Variants in RTCB observed in about 807,000 individuals in gnomAD.
The protein encoded by RTCB is RNA 2',3'-cyclic phosphate and 5'-OH ligase.
A neutral mutation model predicts 58.2 loss-of-function variants in RTCB; 32 were observed. That is an observed-to-expected ratio of 0.55 (90% CI 0.41 to 0.74). The LOEUF is 0.74. RTCB is among the 30% of genes least tolerant of loss of function. The pLI is 0.00. For missense variants in RTCB, 523 were observed against 639.0 expected (o/e 0.82, Z 1.96); for synonymous variants, 247 against 218.6 (o/e 1.13, Z -1.15).
intron 4 of RTCB, among the ~76,000 whole-genome samples, chr22:32,404,852 T>C (rs1297069039): frequency 2.1e-4 from 32 of 149,806 alleles, no homozygotes; most frequent in Non-Finnish European, 4.1e-4. Context: ...GCTAATTTTT[T>C]GTATTTTTTT....
At chr22:32,394,085 C>T in intron 9 of RTCB, 83 bp from the exon 10 acceptor site, 1 of 926,816 alleles carries the variant, frequency 1.1e-6, no homozygotes, top group Non-Finnish European at 1.7e-6. Context: ...TTCTCTTGCA[C>T]TGTAGGATTG....
At chr22:32,403,413 A>C (rs918586980) in intron 4 of RTCB, among the ~76,000 whole-genome samples, 4 of 152,204 alleles carry the variant, frequency 2.6e-5, no homozygotes, top group African/African-American at 9.7e-5. Context: ...TCTCAAAAAA[A>C]AAAGAAAAAA....
At chr22:32,394,956 T>C (rs1405502150) in intron 9 of RTCB, 70 bp downstream of exon 9, 6 of 1,349,314 alleles carry the variant, frequency 4.4e-6, no homozygotes. Flanking sequence ...TCGTTTTAAA[T>C]GTAATTCACA....
At chr22:32,398,474 G>C (rs1933282164) in intron 6 of RTCB, among the ~76,000 whole-genome samples, 1 of 152,104 alleles carries the variant, frequency 6.6e-6, no homozygotes, top group Non-Finnish European at 1.5e-5. Context: ...GGAAAGGGGA[G>C]GGAGAGCATT....
chr22:32,397,328 G>A (rs1484529877), intron 7 of RTCB, among the ~76,000 whole-genome samples: 1 of 152,176 alleles, frequency 6.6e-6, no homozygotes, highest in Non-Finnish European at 1.5e-5. Context: ...CAGTCTTTGT[G>A]TGTAATTGTC....
chr22:32,397,883 T>TA, intron 7 of RTCB, 58 bp downstream of exon 7: 1 of 1,534,300 alleles, frequency 6.5e-7, no homozygotes, highest in Non-Finnish European at 8.8e-7. Flanking sequence ...TTTTCGCTCT[T>TA]AAATTTCTAT....
In RTCB at chr22:32,412,099, A is replaced by T; in HGVS notation, c.58T>A (p.Trp20Arg). The T allele has an allele frequency of 6.2e-7, 1 of 1,609,772 alleles. No homozygotes were observed. Among genetic ancestry groups the T allele is most frequent in the African/African-American group, 1.3e-5 (1 of 74,906 alleles). Residue 20 changes from tryptophan to arginine, a missense_variant, in exon 1 of 12, where the codon TGG (tryptophan) becomes AGG (arginine). By Grantham distance (101) the Trp-to-Arg change is moderately radical. Transcript: ENST00000216038. ...QFLEKINKNC[W>R]RIKKGFVPNM... ...GGCACGAAGCCCTTCTTGATCCTCC[A>T]GCAGTTTTTATTGATCTTCTCCAAG...
chr22:32,391,574 T>C (rs1933155270), intron 11 of RTCB, among the ~76,000 whole-genome samples: 1 of 151,982 alleles, frequency 6.6e-6, no homozygotes, highest in Admixed American at 6.6e-5. Flanking sequence ...TTTTGTATTT[T>C]TAGTAGGGGT....
chr22:32,388,189 C>A, intron 11 of RTCB, 90 bp from the exon 12 acceptor site: 1 of 755,930 alleles, frequency 1.3e-6, no homozygotes. Context: ...AATAAATGCA[C>A]ACTAAAATAA....
intron 4 of RTCB, among the ~76,000 whole-genome samples, chr22:32,403,544 A>T (rs1469171180): frequency 1.3e-5 from 2 of 152,182 alleles, no homozygotes; most frequent in Non-Finnish European, 2.9e-5. Context: ...TTCTGGTGAG[A>T]ACATTTAAGA....
At chr22:32,408,922 T>C in intron 1 of RTCB, 89 bp from the exon 2 acceptor site, 2 of 904,042 alleles carry the variant, frequency 2.2e-6, no homozygotes, top group Non-Finnish European at 3.7e-6. Context: ...CAATATTTAC[T>C]GTGCTTTACT....
intron 6 of RTCB, 145 bp from the exon 7 acceptor site, chr22:32,398,245 G>T (rs946179060): frequency 9.1e-6 from 8 of 876,558 alleles, no homozygotes; most frequent in Non-Finnish European, 1.4e-5. Context: ...CTAAGCTATA[G>T]AAGTGTTTCA....
At chr22:32,400,013 CTTG>C (rs1388302939) in intron 5 of RTCB, 1 of 321,668 alleles carries the variant, frequency 3.1e-6, no homozygotes, top group East Asian at 5.1e-5. Context: ...TATACTGCTC[CTTG>C]TTAATTTTCA....
At chr22:32,411,975 T>C in intron 1 of RTCB, 89 bp downstream of exon 1, 1 of 912,908 alleles carries the variant, frequency 1.1e-6, no homozygotes, top group Non-Finnish European at 1.7e-6. Flanking sequence ...GCGGACCCAG[T>C]GGTCAGGGGA....
intron 10 of RTCB, among the ~76,000 whole-genome samples, chr22:32,393,314 G>A (rs1337704598): frequency 1.3e-5 from 2 of 152,180 alleles, no homozygotes; most frequent in East Asian, 3.8e-4. Flanking sequence ...TGGCATAGCT[G>A]AATAGCTGGT....
chr22:32,399,382 G>A (rs974464770), intron 6 of RTCB, among the ~76,000 whole-genome samples: 5 of 151,438 alleles, frequency 3.3e-5, no homozygotes, highest in East Asian at 1.9e-4. Context: ...GGCCTCAAGC[G>A]AACCTTCCTC....
rs184049911 is a variant in RTCB, at chr22:32,411,880, G to A, written c.93+184C>T. Among the ~76,000 whole-genome samples, 626 of 152,280 alleles carry A rather than the reference G, an allele frequency of 4.1e-3. 2 individuals are homozygous for A. Among genetic ancestry groups the A allele is most frequent in the African/African-American group, 0.014 (599 of 41,562 alleles). ...TCGTGGTTCGGGGACCTCTCCTGGC[G>A]GGAGGTGGTGCCGGAACAGGTTGGG... On this transcript the variant is annotated intron_variant, in intron 1 of 11. Coordinates refer to ENST00000216038, the MANE Select transcript of RTCB (RefSeq NM_014306.5).
chr22:32,395,064 A>C lies in RTCB; in HGVS notation c.1141T>G (p.Phe381Val), dbSNP rs1933222277. The change falls in exon 9 of 12, where the codon TTC (phenylalanine) becomes GTC (valine). Residue 381 changes from phenylalanine to valine, a missense_variant. Physicochemically the swap from Phe to Val is conservative, Grantham distance 50. Coordinates refer to ENST00000216038, the MANE Select transcript of RTCB (RefSeq NM_014306.5). ...GCAATGAGGGGATGGTGAGGAGGGA[A>C]AGCGCGGGTGGATCCCTTCCTGTGT... ...LVHRKGSTRA[F>V]PPHHPLIAVD... 5 of 1,614,008 alleles carry C rather than the reference A, an allele frequency of 3.1e-6. No individual in the cohort carries two copies. The highest frequency in any genetic ancestry group is 3.3e-5 in the Admixed American group (2 of 59,998).
chr22:32,388,936 G>T (rs1601422525), intron 11 of RTCB, among the ~76,000 whole-genome samples: 1 of 152,014 alleles, frequency 6.6e-6, no homozygotes, highest in Non-Finnish European at 1.5e-5. Flanking sequence ...CTGAAACACG[G>T]ATCTTTCCCG....
Sources: allele counts gnomAD v4.1 joint callset (sites outside exome capture counted in the v4.1 genomes callset), GRCh38; gene constraint gnomAD v4.1.1; transcripts MANE v1.5; gene names NCBI Gene and HGNC (gene_info 2026-07-23, HGNC 2026-07-21).